The following TTL variants were observed in gnomAD, a reference collection of about 807,000 sequenced individuals.
The protein encoded by TTL is tubulin--tyrosine ligase.
In TTL, 10 loss-of-function variants were observed where a neutral mutation model predicts 41.1. The observed-to-expected ratio is 0.24, with a 90% CI of 0.15 to 0.41. TTL has a LOEUF of 0.41. Among genes scored for constraint, TTL ranks in the 10% least tolerant of loss-of-function variants. The probability of loss-of-function intolerance (pLI) is 1.00; values close to 1 mark genes in which losing one functional copy is unlikely to be tolerated. For missense variants in TTL, 367 were observed against 460.4 expected (o/e 0.80, Z 1.86); for synonymous variants, 175 against 175.5 (o/e 1.00, Z 0.02).
intron 5 of TTL, among the ~76,000 whole-genome samples, chr2:112,513,089 C>T (rs1294377992): frequency 6.6e-6 from 1 of 151,890 alleles, no homozygotes; most frequent in East Asian, 1.9e-4. Context: ...AGTTCACTAA[C>T]TCTTGCCCTC....
At chr2:112,503,425 A>ATATTTATT (rs1223510148) in intron 5 of TTL, among the ~76,000 whole-genome samples, 3 of 145,030 alleles carry the variant, frequency 2.1e-5, no homozygotes, top group East Asian at 2.1e-4. Flanking sequence ...ATATATTTAT[A>ATATTTATT]TATTTATTTA....
At chr2:112,500,242 A>G (rs545173447) in intron 3 of TTL, among the ~76,000 whole-genome samples, 2,916 of 149,620 alleles carry the variant, frequency 0.019, 38 homozygotes, top group Admixed American at 0.032. Flanking sequence ...TAGGTACAAG[A>G]GTTTTTTTGG....
At chr2:112,498,179 C>T (rs959012237) in intron 3 of TTL, among the ~76,000 whole-genome samples, 2 of 151,868 alleles carry the variant, frequency 1.3e-5, no homozygotes, top group African/African-American at 4.8e-5. Flanking sequence ...ACAAATTAGC[C>T]GGGCTTGGTG....
chr2:112,501,696 C>T (rs563492862), intron 4 of TTL, among the ~76,000 whole-genome samples: 27 of 151,728 alleles, frequency 1.8e-4, no homozygotes, highest in Non-Finnish European at 3.4e-4. Context: ...GGTGAAACCC[C>T]GTCTCTAGTA....
rs1303793594 is a variant in TTL, at chr2:112,529,964, CT to C, written c.*1172del. The C allele has an allele frequency of 4.4e-6, 1 of 227,134 alleles. No individual in the cohort carries two copies. The highest frequency in any genetic ancestry group is 8.8e-6 in the Non-Finnish European group (1 of 114,230). 14.1% of individuals were successfully genotyped at this position (227,134 alleles called of 1,614,324 possible). A position where few individuals can be genotyped will look rare whatever the true frequency, so the allele number is the denominator to read the frequency against. Reference sequence around the variant, plus strand: ...CTTCCGCTTACTGGATTAACTAATACTTTATAGGCTTTTCAGGAGGCCACAT... The same window carrying C: ...CTTCCGCTTACTGGATTAACTAATACTTATAGGCTTTTCAGGAGGCCACAT... On this transcript the variant is annotated 3_prime_UTR_variant, in exon 7 of 7. Coordinates refer to ENST00000233336, the MANE Select transcript of TTL (RefSeq NM_153712.5).
At chr2:112,509,867 C>T (rs1024461529) in intron 5 of TTL, among the ~76,000 whole-genome samples, 1 of 152,214 alleles carries the variant, frequency 6.6e-6, no homozygotes, top group African/African-American at 2.4e-5. Flanking sequence ...CTCTTGACTT[C>T]AGGTGATCTA....
In TTL at chr2:112,528,863, G is replaced by A. The variant is rs1687054553; in HGVS notation, c.*68G>A. ...GCTCCAGGGAATGGTGAAATGACTG[G>A]ATTGCTCTTTATCCAGCCCACAGCA... On this transcript the variant is annotated 3_prime_UTR_variant, in exon 7 of 7. Transcript: ENST00000233336. 2 of 1,278,250 alleles carry A rather than the reference G, an allele frequency of 1.6e-6. No homozygotes were observed. Among genetic ancestry groups the A allele is most frequent in the Non-Finnish European group, 2.3e-6 (2 of 875,186 alleles). 79.2% of individuals were successfully genotyped at this position (1,278,250 alleles called of 1,614,324 possible).
rs568366061 is a variant in TTL, at chr2:112,490,096, C to T, written c.237-4047C>T. Among the ~76,000 whole-genome samples the T allele has an allele frequency of 2.1e-4, 32 of 152,180 alleles. No homozygotes were observed. The South Asian group carries it at 6.0e-3, about 29-fold the overall frequency. On this transcript the variant is annotated intron_variant, in intron 2 of 6. Coordinates refer to ENST00000233336, the MANE Select transcript of TTL (RefSeq NM_153712.5). ...ACAGAACCATTTTAACAACTGTATC[C>T]GTGACACTTAGAGTCTGCTTCAGAA...
intron 2 of TTL, among the ~76,000 whole-genome samples, chr2:112,487,824 C>G (rs1681280135): frequency 6.6e-6 from 1 of 152,148 alleles, no homozygotes; most frequent in African/African-American, 2.4e-5. Flanking sequence ...TGCAGTAATT[C>G]CAGGATATGA....
chr2:112,486,561 T>C lies in TTL; in HGVS notation c.236+566T>C, dbSNP rs1294539461. Among the ~76,000 whole-genome samples, 6 of 152,188 alleles carry C rather than the reference T, an allele frequency of 3.9e-5. No individual in the cohort carries two copies. In the East Asian group the frequency reaches 1.2e-3, roughly 29 times the overall value. ...TGTAAGGGGTCCCTCAGAAAGGATATCTGGGCAGGGTATAAGAGCATTCAC... is the reference window on the plus strand; with the variant it reads ...TGTAAGGGGTCCCTCAGAAAGGATACCTGGGCAGGGTATAAGAGCATTCAC... On this transcript the variant is annotated intron_variant, in intron 2 of 6. Coordinates refer to ENST00000233336, the MANE Select transcript of TTL (RefSeq NM_153712.5).
At chr2:112,521,455 T>C (rs1027107376) in intron 6 of TTL, 1 of 736,844 alleles carries the variant, frequency 1.4e-6, no homozygotes, top group Non-Finnish European at 1.7e-6. Context: ...CAAGACCCTT[T>C]CGTGGTTCCC....
At chr2:112,493,199 C>A (rs902127419) in intron 2 of TTL, among the ~76,000 whole-genome samples, 3 of 152,120 alleles carry the variant, frequency 2.0e-5, no homozygotes, top group African/African-American at 7.2e-5. Flanking sequence ...TTAACATGGA[C>A]TTGGCATGAA....
rs1682621309 is a variant in TTL at position 112,537,629 on chromosome 2, A to G, written c.*8834A>G. On this transcript the variant is annotated 3_prime_UTR_variant, in exon 7 of 7. Transcript: ENST00000233336. The stretch of plus-strand genomic sequence containing the variant: ...TCTCATATGTTTCTTGGCCACTTGT[A>G]TGCCAAGGACATTTTATATTGATAA... The G allele has an allele frequency of 6.6e-6, 1 of 152,214 alleles. No homozygotes were observed. The highest frequency in any genetic ancestry group is 2.4e-5 in the African/African-American group (1 of 41,456). 9.4% of individuals were successfully genotyped at this position (152,214 alleles called of 1,614,324 possible).
rs1682652907 is a variant in TTL, at chr2:112,538,918, C to T, written c.*10123C>T. 6.6e-6 allele frequency: 1 copy of T among 152,062 alleles called. No individual in the cohort carries two copies. Among genetic ancestry groups the T allele is most frequent in the Non-Finnish European group, 1.5e-5 (1 of 68,102 alleles). 9.4% of individuals were successfully genotyped at this position (152,062 alleles called of 1,614,324 possible). ...GGATCATGAGGTCCGGAGATCAAGA[C>T]CATCCTGGCTAATATGGTGAAACCC... On this transcript the variant is annotated 3_prime_UTR_variant, in exon 7 of 7. Coordinates refer to ENST00000233336, the MANE Select transcript of TTL (RefSeq NM_153712.5).
intron 5 of TTL, among the ~76,000 whole-genome samples, chr2:112,503,770 G>T: frequency 1.6e-5 from 2 of 128,712 alleles, no homozygotes; most frequent in South Asian, 2.5e-4. Flanking sequence ...AAAGTACAAT[G>T]TCAGTCTACT....
chr2:112,501,838 C>A (rs969152845), intron 4 of TTL, among the ~76,000 whole-genome samples: 5 of 149,794 alleles, frequency 3.3e-5, no homozygotes, highest in Non-Finnish European at 3.0e-5. Flanking sequence ...TGCACTCCAG[C>A]CTGGGTAACA....
At chr2:112,497,991 T>C (rs944617884) in intron 3 of TTL, among the ~76,000 whole-genome samples, 1 of 152,260 alleles carries the variant, frequency 6.6e-6, no homozygotes, top group Non-Finnish European at 1.5e-5. Context: ...CACATTTTTA[T>C]GTGCCAACAA....
chr2:112,525,409 C>A (rs889574903), intron 6 of TTL, among the ~76,000 whole-genome samples: 2 of 152,178 alleles, frequency 1.3e-5, no homozygotes, highest in Non-Finnish European at 2.9e-5. Flanking sequence ...AACATTGATT[C>A]TTCCTATCCA....
intron 3 of TTL, among the ~76,000 whole-genome samples, chr2:112,500,205 G>A (rs556432357): frequency 1.3e-5 from 2 of 150,362 alleles, no homozygotes; most frequent in Admixed American, 1.3e-4. Context: ...AAGCTGGGGT[G>A]AGGAGGGAGT....
Sources: allele counts gnomAD v4.1 joint callset (sites outside exome capture counted in the v4.1 genomes callset), GRCh38; gene constraint gnomAD v4.1.1; transcripts MANE v1.5; gene names NCBI Gene and HGNC (gene_info 2026-07-23, HGNC 2026-07-21).